LUZP2: variants seen among roughly 807,000 people sequenced by gnomAD.
The protein encoded by LUZP2 is leucine zipper protein 2.
LUZP2 carries 52 observed loss-of-function variants against 51.6 expected under a neutral mutation model. That is an observed-to-expected ratio of 1.01 (90% CI 0.81 to 1.27). LUZP2 has a LOEUF of 1.27. Ranked by LOEUF, LUZP2 falls within the 50% of genes most tolerant of loss-of-function variation. LUZP2 has a pLI of 0.00. For missense variants in LUZP2, 436 were observed against 395.4 expected, an observed-to-expected ratio of 1.10 and a Z score of -0.87; for synonymous variants, 154 against 137.3, an observed-to-expected ratio of 1.12 and a Z score of -0.85.
chr11:25,044,083 CTA>C (rs149124588), intron 9 of LUZP2, among the ~76,000 whole-genome samples: 1 of 78 alleles, frequency 0.013, no homozygotes, highest in Non-Finnish European at 0.029. Context: ...TCTGATAAGA[CTA>C]TATATATATC....
At chr11:24,974,511 G>A (rs992991325) in intron 7 of LUZP2, among the ~76,000 whole-genome samples, 4 of 149,972 alleles carry the variant, frequency 2.7e-5, no homozygotes, top group Admixed American at 2.0e-4. Context: ...CATTAAAAAG[G>A]GAATTTTTGC....
rs199889147 is a variant in LUZP2, at chr11:24,924,093, A to G, written c.522+9555A>G. Among the ~76,000 whole-genome samples, 27 of 133,714 alleles carry G rather than the reference A, an allele frequency of 2.0e-4. No individual in the cohort carries two copies. In the East Asian group the frequency reaches 5.3e-3, roughly 26 times the overall value. The allele number at this position is 133,714 out of a possible 152,430, so 87.7% of individuals were successfully genotyped here. A position where few individuals can be genotyped will look rare whatever the true frequency, so the allele number is the denominator to read the frequency against. On this transcript the variant is annotated intron_variant, in intron 7 of 11. Transcript: ENST00000336930. ...CACTCCCCGGCTTTTTTTTTTCTTTAATTGAGACGGAGTCTCATTTTGTCG... is the reference window on the plus strand; with the variant it reads ...CACTCCCCGGCTTTTTTTTTTCTTTGATTGAGACGGAGTCTCATTTTGTCG...
chr11:24,995,960 T>G (rs1336266818), intron 9 of LUZP2, among the ~76,000 whole-genome samples: 1 of 151,682 alleles, frequency 6.6e-6, no homozygotes, highest in Non-Finnish European at 1.5e-5. Flanking sequence ...AAAAATCCAG[T>G]AAAATTTTTT....
chr11:24,600,004 A>G (rs1301745922), intron 1 of LUZP2, among the ~76,000 whole-genome samples: 1 of 152,150 alleles, frequency 6.6e-6, no homozygotes, highest in Non-Finnish European at 1.5e-5. Flanking sequence ...GCTATAAAAT[A>G]TTCTCCATAA....
chr11:24,827,411 T>A (rs1284410341), intron 5 of LUZP2, among the ~76,000 whole-genome samples: 1 of 152,172 alleles, frequency 6.6e-6, no homozygotes, highest in African/African-American at 2.4e-5. Flanking sequence ...TATTAATTTA[T>A]TACCAACATT....
chr11:24,552,068 T>C (rs1247414964), intron 1 of LUZP2, among the ~76,000 whole-genome samples: 1 of 151,916 alleles, frequency 6.6e-6, no homozygotes, highest in East Asian at 1.9e-4. Flanking sequence ...CAAAAACTAA[T>C]CAGTTTAATT....
intron 9 of LUZP2, among the ~76,000 whole-genome samples, chr11:24,990,628 C>T (rs191261148): frequency 1.7e-4 from 26 of 152,110 alleles, no homozygotes; most frequent in African/African-American, 5.8e-4. Flanking sequence ...ATTAAAACAG[C>T]AACTGGTGAG....
At chr11:24,852,950 C>T (rs2631452) in intron 5 of LUZP2, among the ~76,000 whole-genome samples, 23,047 of 151,972 alleles carry the variant, frequency 0.15, 1,908 homozygotes, top group African/African-American at 0.2. Context: ...TCCCTTTATT[C>T]TGAACCTATG....
intron 9 of LUZP2, among the ~76,000 whole-genome samples, chr11:25,015,269 A>G (rs1339419348): frequency 2.0e-5 from 3 of 152,190 alleles, no homozygotes; most frequent in Non-Finnish European, 1.5e-5. Context: ...ATGTTACGAT[A>G]GTACAGAGAA....
chr11:24,963,176 G>T lies in LUZP2; in HGVS notation c.523-13415G>T, dbSNP rs529840758. Among the ~76,000 whole-genome samples, 8 of 152,286 alleles carry T rather than the reference G, an allele frequency of 5.3e-5. No individual in the cohort carries two copies. In the East Asian group the frequency reaches 1.4e-3, roughly 26 times the overall value. ...GTGAAGTGTCAGTCTGCCCCTACTGGGGGGTACCTCCCAGTTAGGCTGCTC... is the reference window on the plus strand; with the variant it reads ...GTGAAGTGTCAGTCTGCCCCTACTGTGGGGTACCTCCCAGTTAGGCTGCTC... On this transcript the variant is annotated intron_variant, in intron 7 of 11. Coordinates refer to ENST00000336930, the MANE Select transcript of LUZP2 (RefSeq NM_001009909.4).
chr11:24,911,351 G>T (rs969912233), intron 6 of LUZP2, among the ~76,000 whole-genome samples: 1 of 152,100 alleles, frequency 6.6e-6, no homozygotes, highest in Non-Finnish European at 1.5e-5. Context: ...ACAGAATGAT[G>T]TGGTTTGGCT....
At chr11:24,832,136 A>G (rs1381382005) in intron 5 of LUZP2, 1 of 152,186 alleles carries the variant, frequency 6.6e-6, no homozygotes, top group Non-Finnish European at 1.5e-5. Flanking sequence ...ACTTGCTATA[A>G]TGGAAGAAAA....
At position 24,856,734 on chromosome 11, in the gene LUZP2, A is replaced by T. The variant is rs1485322184; in HGVS notation, c.397-49257A>T. ...ATGTGTTATGTACACACAATGGAAT[A>T]CATAACTTAATGTCTTATCTTAAAC... On this transcript the variant is annotated intron_variant, in intron 5 of 11. Transcript: ENST00000336930. 2.6e-5 allele frequency among the ~76,000 whole-genome samples: 4 copies of T among 152,248 alleles called. No individual in the cohort carries two copies. In the East Asian group the frequency reaches 5.8e-4, roughly 22 times the overall value.
chr11:25,077,725 T>C (rs1256251840), intron 11 of LUZP2, among the ~76,000 whole-genome samples: 2 of 151,960 alleles, frequency 1.3e-5, no homozygotes, highest in African/African-American at 2.4e-5. Context: ...CTCGATTTCC[T>C]GACCCTGTGA....
chr11:25,071,952 A>T (rs1191878219), intron 10 of LUZP2, among the ~76,000 whole-genome samples: 1 of 152,154 alleles, frequency 6.6e-6, no homozygotes, highest in Non-Finnish European at 1.5e-5. Context: ...AATTAAACAA[A>T]TGATTCTTGT....
Position 24,551,836 on chromosome 11 carries a change from G to A in LUZP2, c.62+54531G>A, listed in dbSNP as rs187188487. Among the ~76,000 whole-genome samples, 56 of 151,956 alleles carry A rather than the reference G, an allele frequency of 3.7e-4. No individual in the cohort carries two copies. In the East Asian group the frequency reaches 5.4e-3, roughly 15 times the overall value. ...TGCAATACTAGAATTAGCTCAAGGA[G>A]AAATAAAAGTCTTGAATAAATACAT... On this transcript the variant is annotated intron_variant, in intron 1 of 11. Transcript: ENST00000336930.
chr11:24,835,138 C>A (rs1850823579), intron 5 of LUZP2, among the ~76,000 whole-genome samples: 1 of 152,108 alleles, frequency 6.6e-6, no homozygotes, highest in Admixed American at 6.5e-5. Context: ...AGAACAGAGA[C>A]CTTAGAAATA....
chr11:24,504,766 A>G (rs1850100235), intron 1 of LUZP2, among the ~76,000 whole-genome samples: 1 of 152,120 alleles, frequency 6.6e-6, no homozygotes, highest in African/African-American at 2.4e-5. Context: ...CTAGACTAGT[A>G]CAGCCAAAAT....
In LUZP2 at chr11:24,923,991, G is replaced by A. The variant is rs146103545; in HGVS notation, c.522+9453G>A. The stretch of plus-strand genomic sequence containing the variant: ...CTGTTATTCTACCCTCTCTTTCTTC[G>A]TTTAAAATATGGATTCAGTGAGGGC... On this transcript the variant is annotated intron_variant, in intron 7 of 11. Coordinates refer to ENST00000336930, the MANE Select transcript of LUZP2 (RefSeq NM_001009909.4). Among the ~76,000 whole-genome samples the A allele has an allele frequency of 4.8e-3, 729 of 151,984 alleles. 11 individuals carry two copies. Among genetic ancestry groups the A allele is most frequent in the African/African-American group, 0.017 (693 of 41,472 alleles).
Sources: allele counts gnomAD v4.1 joint callset (sites outside exome capture counted in the v4.1 genomes callset), GRCh38; gene constraint gnomAD v4.1.1; transcripts MANE v1.5; gene names NCBI Gene and HGNC (gene_info 2026-07-23, HGNC 2026-07-21).